The following AAK1 variants were observed in gnomAD, a reference collection of about 807,000 sequenced individuals.
AAK1 encodes the protein AP2-associated protein kinase 1.
In AAK1, 37 loss-of-function variants were observed where a neutral mutation model predicts 116.0. That is an observed-to-expected ratio of 0.32 (90% CI 0.25 to 0.42). The LOEUF (loss-of-function observed/expected upper bound fraction) is 0.42. Ranked by LOEUF, AAK1 falls within the 10% of genes least tolerant of loss-of-function variation. The pLI is 1.00. For synonymous variants in AAK1, 458 were observed against 439.9 expected (o/e 1.04, Z -0.51); for missense variants, 919 against 1,170.6 (o/e 0.79, Z 3.14).
intron 2 of AAK1, among the ~76,000 whole-genome samples, chr2:69,591,269 G>A (rs1248487989): frequency 6.6e-6 from 1 of 152,112 alleles, no homozygotes; most frequent in Non-Finnish European, 1.5e-5. Flanking sequence ...GGCTCTACAG[G>A]AGCATGAAAT....
intron 4 of AAK1, 49 bp from the exon 5 acceptor site, chr2:69,542,714 T>C (rs2105052958): frequency 6.3e-7 from 1 of 1,593,778 alleles, no homozygotes; most frequent in East Asian, 2.2e-5. Flanking sequence ...CATTCGGACT[T>C]GTCATTTAGT....
Position 69,559,249 on chromosome 2 carries a change from A to C in AAK1, c.164-2271T>G, listed in dbSNP as rs1042980320. ...GCATTGACACTTAGAGGTCTTATCT[A>C]TCTCTCTCTCTCTCACACACACACA... is the stretch of plus-strand genomic sequence containing the variant. On this transcript the variant is annotated intron_variant, in intron 2 of 21. Coordinates refer to ENST00000409085, the MANE Select transcript of AAK1 (RefSeq NM_014911.5). Among the ~76,000 whole-genome samples the C allele has an allele frequency of 7.9e-5, 11 of 139,566 alleles. No homozygotes were observed. In the South Asian group the frequency reaches 8.9e-4, roughly 11 times the overall value. 91.6% of individuals were successfully genotyped at this position (139,566 alleles called of 152,430 possible).
At chr2:69,517,071 A>G (rs530848072) in intron 12 of AAK1, 1 of 152,322 alleles carries the variant, frequency 6.6e-6, no homozygotes, top group South Asian at 2.1e-4. Context: ...AAAAAAAGCA[A>G]TGTATTCAAA....
chr2:69,540,388 T>C (rs753456924), intron 5 of AAK1, among the ~76,000 whole-genome samples: 10 of 152,326 alleles, frequency 6.6e-5, no homozygotes, highest in Non-Finnish European at 1.3e-4. Context: ...CCCAAAGTGC[T>C]GGGATTATAG....
Position 69,469,191 on chromosome 2 carries a change from AACCACACTTTGCAACTCTCCAGGCCTGGC to A in AAK1, c.*6649_*6677del. 1.0e-6 allele frequency: 1 copy of A among 985,428 alleles called. No homozygotes were observed. Among genetic ancestry groups the A allele is most frequent in the African/African-American group, 1.7e-5 (1 of 57,356 alleles). 61.0% of individuals were successfully genotyped at this position (985,428 alleles called of 1,614,324 possible). On this transcript the variant is annotated 3_prime_UTR_variant, in exon 22 of 22. Transcript: ENST00000409085. ...GTACAGTGTGGCTGAGGCGGAGAGC[AACCACACTTTGCAACTCTCCAGGCCTGGC>A]ACTCTGAAGGGCAAAGAAATGCCAG...
At position 69,632,113 on chromosome 2, in the gene AAK1, A is replaced by G. The variant is rs191811669; in HGVS notation, c.163+10765T>C. Among the ~76,000 whole-genome samples the G allele has an allele frequency of 2.6e-5, 4 of 152,342 alleles. No individual in the cohort carries two copies. In the East Asian group the frequency reaches 7.7e-4, roughly 29 times the overall value. ...ATAGTTTATCATTCCTGAGTGATTA[A>G]ATTCACAGCAAATAAAAGGCTTTTT... On this transcript the variant is annotated intron_variant, in intron 2 of 21. Transcript: ENST00000409085.
At position 69,468,245 on chromosome 2, in the gene AAK1, A is replaced by G. The variant is rs1646550529; in HGVS notation, c.*7624T>C. ...CCTTGCGATTTATGTGGACAGACAT[A>G]ATCCTAATTTCTCAGGCAAGTAAAT... On this transcript the variant is annotated 3_prime_UTR_variant, in exon 22 of 22. Coordinates refer to ENST00000409085, the MANE Select transcript of AAK1 (RefSeq NM_014911.5). 1 of 985,348 alleles carries G rather than the reference A, an allele frequency of 1.0e-6. No homozygotes were observed. Among genetic ancestry groups the G allele is most frequent in the Non-Finnish European group, 1.2e-6 (1 of 829,930 alleles). 61.0% of individuals were successfully genotyped at this position (985,348 alleles called of 1,614,324 possible).
At chr2:69,598,017 G>T in intron 2 of AAK1, 1 of 374,764 alleles carries the variant, frequency 2.7e-6, no homozygotes, top group South Asian at 1.3e-4. Flanking sequence ...ATGTCTGAAA[G>T]GGAAGACAAA....
At position 69,493,158 on chromosome 2, in the gene AAK1, C is replaced by CAAAAAAAAAAAAAAAAAAA. The variant is rs574490585; in HGVS notation, c.2365+2808_2365+2826dup. Reference sequence around the variant, plus strand: ...TGGGCGACAGAGCGAGACTCCGTCTCAAAAAAAAAAAAAAAAAAAGGATGC... The same window carrying CAAAAAAAAAAAAAAAAAAA: ...TGGGCGACAGAGCGAGACTCCGTCTCAAAAAAAAAAAAAAAAAAAAAAAAAAAAAAAAAAAAAAGGATGC... On this transcript the variant is annotated intron_variant, in intron 17 of 21. Transcript: ENST00000409085. Among the ~76,000 whole-genome samples, 326 of 37,498 alleles carry CAAAAAAAAAAAAAAAAAAA rather than the reference C, an allele frequency of 8.7e-3. 41 individuals carry two copies. The highest frequency in any genetic ancestry group is 9.9e-3 in the Non-Finnish European group (152 of 15,278). The allele number at this position is 37,498 out of a possible 152,430, so 24.6% of individuals were successfully genotyped here.
intron 2 of AAK1, among the ~76,000 whole-genome samples, chr2:69,636,856 C>G (rs956258044): frequency 6.6e-6 from 1 of 152,058 alleles, no homozygotes; most frequent in African/African-American, 2.4e-5. Flanking sequence ...GCCGCCACCA[C>G]GCCCGGCTAA....
intron 16 of AAK1, among the ~76,000 whole-genome samples, chr2:69,501,751 C>T (rs1675987562): frequency 6.6e-6 from 1 of 152,186 alleles, no homozygotes; most frequent in Admixed American, 6.5e-5. Context: ...GGGTGGATCA[C>T]CTGAGGTCAC....
At chr2:69,568,612 G>A (rs1266995513) in intron 2 of AAK1, among the ~76,000 whole-genome samples, 6 of 151,734 alleles carry the variant, frequency 4.0e-5, no homozygotes, top group African/African-American at 1.2e-4. Context: ...TAAATTTTTT[G>A]TAGAGACAGG....
At chr2:69,602,220 C>T (rs981675349) in intron 2 of AAK1, among the ~76,000 whole-genome samples, 10 of 152,140 alleles carry the variant, frequency 6.6e-5, no homozygotes, top group Non-Finnish European at 1.5e-4. Context: ...ATGTTTGATC[C>T]CAGATTAAAT....
chr2:69,520,583 C>T (rs1669729783), intron 11 of AAK1, among the ~76,000 whole-genome samples: 4 of 151,946 alleles, frequency 2.6e-5, no homozygotes, highest in South Asian at 4.2e-4. Flanking sequence ...AGGCTGGTCT[C>T]GAAATCGAAC....
intron 17 of AAK1, among the ~76,000 whole-genome samples, chr2:69,488,149 C>CATGTGT (rs1553409166): frequency 6.9e-6 from 1 of 144,542 alleles, no homozygotes; most frequent in African/African-American, 2.6e-5. Context: ...TGTGTGTGGA[C>CATGTGT]GTGTGTGTGT....
intron 16 of AAK1, among the ~76,000 whole-genome samples, chr2:69,505,060 C>G (rs1676126502): frequency 1.3e-5 from 2 of 152,184 alleles, no homozygotes; most frequent in Admixed American, 1.3e-4. Context: ...AAACCTCCCT[C>G]CTTTTTTAGA....
chr2:69,512,741 T>C (rs1249405242), intron 13 of AAK1, among the ~76,000 whole-genome samples: 1 of 152,186 alleles, frequency 6.6e-6, no homozygotes, highest in Admixed American at 6.5e-5. Flanking sequence ...GAGCAAAGTG[T>C]TCAAAGTGTT....
chr2:69,603,766 T>C (rs938195273), intron 2 of AAK1, among the ~76,000 whole-genome samples: 4 of 152,168 alleles, frequency 2.6e-5, no homozygotes, highest in Non-Finnish European at 2.9e-5. Context: ...ATCATCATCA[T>C]CTGCTTTGCA....
At chr2:69,554,350 T>C (rs751345413) in intron 3 of AAK1, among the ~76,000 whole-genome samples, 2 of 152,178 alleles carry the variant, frequency 1.3e-5, no homozygotes, top group African/African-American at 2.4e-5. Context: ...GGAATTAAAC[T>C]GTTAAAAAGT....
Sources: allele counts gnomAD v4.1 joint callset (sites outside exome capture counted in the v4.1 genomes callset), GRCh38; gene constraint gnomAD v4.1.1; transcripts MANE v1.5; gene names NCBI Gene and HGNC (gene_info 2026-07-23, HGNC 2026-07-21).